ABTB2: variants seen among roughly 807,000 people sequenced by gnomAD.
ABTB2 encodes the protein ankyrin repeat and BTB domain containing 2, also known as ankyrin repeat and BTB/POZ domain-containing protein 2.
In ABTB2, 56 loss-of-function variants were observed where a neutral mutation model predicts 104.1. That is an observed-to-expected ratio of 0.54 (90% CI 0.43 to 0.67). The LOEUF (loss-of-function observed/expected upper bound fraction) is 0.67. Among genes scored for constraint, ABTB2 ranks in the 30% least tolerant of loss-of-function variants. ABTB2 has a pLI of 0.00. For synonymous variants in ABTB2, 606 were observed against 608.2 expected, an observed-to-expected ratio of 1.00 and a Z score of 0.05; for missense variants, 1,279 against 1,407.7, an observed-to-expected ratio of 0.91 and a Z score of 1.46.
chr11:34,173,300 T>C lies in ABTB2; in HGVS notation c.1252A>G (p.Met418Val). 1 of 1,595,174 alleles carries C rather than the reference T, an allele frequency of 6.3e-7. No individual in the cohort carries two copies. The highest frequency in any genetic ancestry group is 8.5e-7 in the Non-Finnish European group (1 of 1,170,836). The change falls in exon 4 of 17, where the codon ATG (methionine) becomes GTG (valine). Residue 418 changes from methionine to valine, a missense_variant. Met to Val is a conservative substitution (Grantham distance 21). Coordinates refer to ENST00000435224, the MANE Select transcript of ABTB2 (RefSeq NM_145804.3). ...CACTCCATGAGGGGCGGCAGCAGCA[T>C]GAAGGGCCTGTGGGGCAGCAGAGAG... Reference protein sequence around the residue: ...RMTLNNERPFMLLPPLMEWMR... With the variant: ...RMTLNNERPFVLLPPLMEWMR...
intron 1 of ABTB2, among the ~76,000 whole-genome samples, chr11:34,321,494 C>CT (rs1855001172): frequency 6.6e-6 from 1 of 152,182 alleles, no homozygotes; most frequent in Non-Finnish European, 1.5e-5. Flanking sequence ...AGAAAGATGC[C>CT]TGTGATGTAT....
intron 1 of ABTB2, among the ~76,000 whole-genome samples, chr11:34,306,422 T>C (rs2984118): frequency 3.1e-3 from 469 of 150,898 alleles, no homozygotes; most frequent in African/African-American, 0.011. Flanking sequence ...AATTTTTGTA[T>C]TTTTAGTAGA....
chr11:34,166,707 G>A (rs775932542), intron 7 of ABTB2, among the ~76,000 whole-genome samples: 7 of 152,214 alleles, frequency 4.6e-5, no homozygotes, highest in Non-Finnish European at 8.8e-5. Context: ...GAGCTGCTCT[G>A]CCCACAGCTT....
At position 34,152,477 on chromosome 11, in the gene ABTB2, G is replaced by A. The variant is rs1401623652; in HGVS notation, c.2988C>T (p.Ser996=). The change falls in exon 17 of 17, where the codon AGC becomes AGT. Residue 996 remains serine, a synonymous_variant. Transcript: ENST00000435224. ...DAFRQLIYGR[S]SKVQGLDPLQ... ...GTGGATCCAGGCCCTGCACTTTGCT[G>A]CTGCGGCCGTAGATGAGCTGCCGGA... 6.2e-7 allele frequency: 1 copy of A among 1,605,872 alleles called. No individual in the cohort carries two copies. Among genetic ancestry groups the A allele is most frequent in the East Asian group, 2.2e-5 (1 of 44,700 alleles).
chr11:34,337,835 T>C (rs1590261945), intron 1 of ABTB2, among the ~76,000 whole-genome samples: 1 of 152,222 alleles, frequency 6.6e-6, no homozygotes, highest in East Asian at 1.9e-4. Flanking sequence ...TAGCATCCAA[T>C]AAACATTGGT....
intron 1 of ABTB2, among the ~76,000 whole-genome samples, chr11:34,290,308 G>A (rs539002136): frequency 6.6e-4 from 100 of 152,286 alleles, no homozygotes; most frequent in African/African-American, 2.3e-3. Flanking sequence ...TTACATTGTG[G>A]CCACGGAGCA....
In ABTB2 at chr11:34,154,483, C is replaced by T. The variant is rs527586379; in HGVS notation, c.2767-105G>A. On this transcript the variant is annotated intron_variant, in intron 15 of 16. Transcript: ENST00000435224. This position sits in a 1 kb window ranked among gnomAD's most constrained non-coding sequence, Gnocchi z 4.9. ...GTGCCGTGTGCCCTGCTGCCTCCAC[C>T]CTCAGGCCCCACTACCTTCTGATAC... 82 of 901,794 alleles carry T rather than the reference C, an allele frequency of 9.1e-5. No individual in the cohort carries two copies. In the East Asian group the frequency reaches 2.1e-3, roughly 23 times the overall value. 55.9% of individuals were successfully genotyped at this position (901,794 alleles called of 1,614,324 possible).
intron 3 of ABTB2, among the ~76,000 whole-genome samples, chr11:34,175,787 A>G (rs771890078): frequency 2.0e-5 from 3 of 152,204 alleles, no homozygotes; most frequent in Admixed American, 1.3e-4. Context: ...ACCTCACCCT[A>G]TCTCCTGCCG....
intron 1 of ABTB2, among the ~76,000 whole-genome samples, chr11:34,224,858 GTAA>G (rs1453627811): frequency 2.6e-5 from 4 of 152,186 alleles, no homozygotes; most frequent in African/African-American, 9.7e-5. Context: ...TGAGATAGTG[GTAA>G]TCTTTTTTAA....
intron 1 of ABTB2, among the ~76,000 whole-genome samples, chr11:34,245,967 C>T (rs1278814340): frequency 6.6e-6 from 1 of 152,204 alleles, no homozygotes; most frequent in Non-Finnish European, 1.5e-5. Context: ...GAGAGAGGCC[C>T]TCCTCATCCT....
intron 1 of ABTB2, among the ~76,000 whole-genome samples, chr11:34,254,554 A>T (rs1203917445): frequency 6.6e-6 from 1 of 152,116 alleles, no homozygotes; most frequent in Non-Finnish European, 1.5e-5. Context: ...GGCCAATGGA[A>T]GCTTTTATTA....
At chr11:34,349,111 A>G (rs1361295665) in intron 1 of ABTB2, among the ~76,000 whole-genome samples, 2 of 152,208 alleles carry the variant, frequency 1.3e-5, no homozygotes, top group Non-Finnish European at 2.9e-5. Flanking sequence ...GGCCTTTTTT[A>G]AAACAAGCAG....
At chr11:34,222,045 C>CA (rs1422966720) in intron 1 of ABTB2, among the ~76,000 whole-genome samples, 8 of 152,042 alleles carry the variant, frequency 5.3e-5, no homozygotes, top group Non-Finnish European at 1.2e-4. Flanking sequence ...GACTCCATCT[C>CA]AAAAAACAAA....
intron 1 of ABTB2, among the ~76,000 whole-genome samples, chr11:34,271,410 G>GTAGGAGGGTACTTCCTCTGGGTTCA (rs1363379482): frequency 2.0e-5 from 3 of 152,178 alleles, no homozygotes; most frequent in Non-Finnish European, 4.4e-5. Context: ...GAGCTCTGAG[G>GTAGGAGGGTACTTCCTCTGGGTTCA]TAGGAGGGTA....
At chr11:34,332,369 G>A (rs1230860174) in intron 1 of ABTB2, among the ~76,000 whole-genome samples, 3 of 152,114 alleles carry the variant, frequency 2.0e-5, no homozygotes, top group East Asian at 1.9e-4. Context: ...GAAAGGCTAC[G>A]CTAGTAATCA....
At chr11:34,304,647 A>C (rs539984876) in intron 1 of ABTB2, among the ~76,000 whole-genome samples, 5 of 152,264 alleles carry the variant, frequency 3.3e-5, no homozygotes, top group African/African-American at 9.6e-5. Context: ...TGGGGAGACA[A>C]ACCACATGAG....
chr11:34,229,905 C>A (rs575322003), intron 1 of ABTB2, among the ~76,000 whole-genome samples: 1 of 152,284 alleles, frequency 6.6e-6, no homozygotes, highest in African/African-American at 2.4e-5. Flanking sequence ...TTGGAACGGG[C>A]CTTTAAATGT....
rs1487393494 is a variant in ABTB2 at position 34,252,007 on chromosome 11, A to G, written c.884-47317T>C. Among the ~76,000 whole-genome samples, 1 of 152,198 alleles carries G rather than the reference A, an allele frequency of 6.6e-6. No individual in the cohort carries two copies. Among genetic ancestry groups the G allele is most frequent in the African/African-American group, 2.4e-5 (1 of 41,452 alleles). ...AGGGCACTCAGGGATCTAAGCTGCC[A>G]AAGTCAGCCCCACCCCACTCCCATC... is the stretch of plus-strand genomic sequence containing the variant. On this transcript the variant is annotated intron_variant, in intron 1 of 16. Coordinates refer to ENST00000435224, the MANE Select transcript of ABTB2 (RefSeq NM_145804.3). This position sits in a 1 kb window ranked among gnomAD's most constrained non-coding sequence, Gnocchi z 5.5.
At chr11:34,319,660 CTATTT>C (rs1330606375) in intron 1 of ABTB2, among the ~76,000 whole-genome samples, 1 of 152,068 alleles carries the variant, frequency 6.6e-6, no homozygotes, top group Non-Finnish European at 1.5e-5. Flanking sequence ...GACACCAGGA[CTATTT>C]TATTTTATAT....
Sources: allele counts gnomAD v4.1 joint callset (sites outside exome capture counted in the v4.1 genomes callset), GRCh38; gene constraint gnomAD v4.1.1; non-coding constraint Gnocchi (gnomAD v3.1); transcripts MANE v1.5; gene names NCBI Gene and HGNC (gene_info 2026-07-23, HGNC 2026-07-21).